The following PSD3 variants were observed in gnomAD, a reference collection of about 807,000 sequenced individuals.
The protein encoded by PSD3 is pleckstrin and Sec7 domain containing 3.
In PSD3, 49 loss-of-function variants were observed where a neutral mutation model predicts 105.5. The ratio of observed to expected loss-of-function variants is 0.46; its 90% confidence interval spans 0.37 to 0.59. The LOEUF is 0.59. Ranked by LOEUF, PSD3 falls within the 20% of genes least tolerant of loss-of-function variation. The pLI, the probability that PSD3 is intolerant of heterozygous loss-of-function variation, is 0.00. For missense variants in PSD3, 1,561 were observed against 1,263.8 expected (o/e 1.24, Z -3.57); for synonymous variants, 557 against 457.8 (o/e 1.22, Z -2.77).
chr8:19,074,603 ATATATATATTTTTTTT>A lies in PSD3; in HGVS notation c.324+9587_324+9602del, dbSNP rs1563546521. Among the ~76,000 whole-genome samples, 58 of 58,982 alleles carry A rather than the reference ATATATATATTTTTTTT, an allele frequency of 9.8e-4. 3 individuals carry two copies. The East Asian group carries it at 0.021, about 22-fold the overall frequency. The allele number at this position is 58,982 out of a possible 152,430, so 38.7% of individuals were successfully genotyped here. A position where few individuals can be genotyped will look rare whatever the true frequency, so the allele number is the denominator to read the frequency against. Reference sequence around the variant, plus strand: ...AACTCAGATATATACATATATATATATATATATATTTTTTTTTTTTTTTTTTTTTTTTTTTGAGATG... The same window carrying A: ...AACTCAGATATATACATATATATATATTTTTTTTTTTTTTTTTTTGAGATG... On this transcript the variant is annotated intron_variant, in intron 1 of 1. Transcript: ENST00000521475.
At chr8:18,849,660 C>T (rs966262587) in intron 4 of PSD3, 2 of 152,242 alleles carry the variant, frequency 1.3e-5, no homozygotes, top group East Asian at 1.9e-4. Context: ...AATTACAAAT[C>T]TACTATCAGC....
intron 1 of PSD3, among the ~76,000 whole-genome samples, chr8:18,988,968 G>A (rs76393392): frequency 0.11 from 16,678 of 152,232 alleles, 1,108 homozygotes; most frequent in Non-Finnish European, 0.16. Context: ...CCATGTGACT[G>A]TCACTGTGTT....
chr8:18,845,710 G>T (rs1241294140), intron 4 of PSD3, among the ~76,000 whole-genome samples: 1 of 152,172 alleles, frequency 6.6e-6, no homozygotes, highest in African/African-American at 2.4e-5. Context: ...GGCAAAGCAG[G>T]AGGATCATTT....
chr8:19,028,209 T>C (rs749047728), intron 1 of PSD3, among the ~76,000 whole-genome samples: 1 of 152,026 alleles, frequency 6.6e-6, no homozygotes, highest in Non-Finnish European at 1.5e-5. Context: ...TCCTTTCATG[T>C]ACTTATTTTC....
At position 18,890,116 on chromosome 8, in the gene PSD3, T is replaced by C. The variant is rs376626849; in HGVS notation, c.131-17383A>G. On this transcript the variant is annotated intron_variant, in intron 2 of 15. Coordinates refer to ENST00000327040, the MANE Select transcript of PSD3 (RefSeq NM_015310.4). ...TATTATCATAACATCCTCTGTTTTATTGTTACCTTTTTTTAAAGCACGGGA... is the reference window on the plus strand; with the variant it reads ...TATTATCATAACATCCTCTGTTTTACTGTTACCTTTTTTTAAAGCACGGGA... Among the ~76,000 whole-genome samples the C allele has an allele frequency of 4.5e-4, 68 of 152,324 alleles. No individual in the cohort carries two copies. In the South Asian group the frequency reaches 6.0e-3, roughly 13 times the overall value.
chr8:18,594,154 ATATTATTATATACATATTAT>A lies in PSD3; in HGVS notation c.2481+6190_2481+6209del, dbSNP rs1803838002. ...ATATTATATATATATTATATAATAT[ATATTATTATATACATATTAT>A]ATAATATATATTATTATATACATAT... On this transcript the variant is annotated intron_variant, in intron 12 of 15. Transcript: ENST00000327040. Among the ~76,000 whole-genome samples, 3 of 63,430 alleles carry A rather than the reference ATATTATTATATACATATTAT, an allele frequency of 4.7e-5. 1 individual carries two copies. Among genetic ancestry groups the A allele is most frequent in the African/African-American group, 1.7e-4 (3 of 18,176 alleles). 41.6% of individuals were successfully genotyped at this position (63,430 alleles called of 152,430 possible).
chr8:18,828,000 A>G (rs2129450077), intron 4 of PSD3, among the ~76,000 whole-genome samples: 1 of 146,958 alleles, frequency 6.8e-6, no homozygotes, highest in East Asian at 2.0e-4. Context: ...AACTCCATAC[A>G]AGGTAGACAA....
At chr8:18,595,958 T>C (rs1245622326) in intron 12 of PSD3, among the ~76,000 whole-genome samples, 1 of 152,038 alleles carries the variant, frequency 6.6e-6, no homozygotes, top group Non-Finnish European at 1.5e-5. Flanking sequence ...TATATATTCT[T>C]CTCAAGTGCA....
Position 18,920,831 on chromosome 8 carries a change from T to C in PSD3, c.130+15203A>G, listed in dbSNP as rs148743799. Among the ~76,000 whole-genome samples, 286 of 152,198 alleles carry C rather than the reference T, an allele frequency of 1.9e-3. 1 individual carries two copies. The highest frequency in any genetic ancestry group is 6.6e-3 in the African/African-American group (274 of 41,522). The stretch of plus-strand genomic sequence containing the variant: ...CCTAGCCCTCCATCCCCAATCACTG[T>C]GATAACTAAAAATATACCCAACCAT... On this transcript the variant is annotated intron_variant, in intron 2 of 15. Coordinates refer to ENST00000327040, the MANE Select transcript of PSD3 (RefSeq NM_015310.4).
chr8:18,694,672 ATAAAT>A (rs1373481860), intron 9 of PSD3, among the ~76,000 whole-genome samples: 1 of 151,900 alleles, frequency 6.6e-6, no homozygotes, highest in Non-Finnish European at 1.5e-5. Flanking sequence ...TTCTTAAATA[ATAAAT>A]TAAAATTATT....
intron 4 of PSD3, among the ~76,000 whole-genome samples, chr8:18,819,897 C>T (rs1254827830): frequency 6.6e-6 from 1 of 152,212 alleles, no homozygotes; most frequent in East Asian, 1.9e-4. Context: ...TCTCATGCAT[C>T]AACCAGTGTG....
At chr8:19,084,365 C>T (rs538514865) in exon 1 of PSD3, 53 of 456,276 alleles carry the variant, frequency 1.2e-4, no homozygotes, top group African/African-American at 9.4e-4. Context: ...CTCTCCTCAG[C>T]ACAGTCCTTT....
chr8:19,008,123 C>T (rs1335554468), intron 1 of PSD3, among the ~76,000 whole-genome samples: 1 of 152,116 alleles, frequency 6.6e-6, no homozygotes, highest in Non-Finnish European at 1.5e-5. Flanking sequence ...GGATTACAGG[C>T]GTGAGCCATG....
At chr8:18,740,482 C>T (rs1804479636) in intron 9 of PSD3, among the ~76,000 whole-genome samples, 1 of 152,124 alleles carries the variant, frequency 6.6e-6, no homozygotes, top group African/African-American at 2.4e-5. Context: ...TCTCTAAGGG[C>T]CCTTTTAGCA....
chr8:18,957,487 G>C (rs144995882), intron 1 of PSD3, among the ~76,000 whole-genome samples: 1 of 151,854 alleles, frequency 6.6e-6, no homozygotes, highest in African/African-American at 2.4e-5. Context: ...CAGAATCCAC[G>C]GGCCCAACAG....
intron 14 of PSD3, among the ~76,000 whole-genome samples, chr8:18,559,682 C>T (rs1416083841): frequency 1.3e-5 from 2 of 151,980 alleles, no homozygotes; most frequent in East Asian, 3.9e-4. Context: ...ATGTTTGCTT[C>T]TTCTAAAAGC....
At chr8:18,575,637 G>C (rs1802420580) in intron 12 of PSD3, among the ~76,000 whole-genome samples, 1 of 152,150 alleles carries the variant, frequency 6.6e-6, no homozygotes, top group Non-Finnish European at 1.5e-5. Flanking sequence ...TGGACCAATA[G>C]TGTGATTTGG....
chr8:18,628,572 G>T (rs558502039), intron 11 of PSD3, among the ~76,000 whole-genome samples: 13 of 151,928 alleles, frequency 8.6e-5, no homozygotes, highest in African/African-American at 2.9e-4. Flanking sequence ...GCAGTTATGT[G>T]GGGGTAAAAG....
At position 18,702,756 on chromosome 8, in the gene PSD3, G is replaced by A. The variant is rs575151944; in HGVS notation, c.2173-47071C>T. Among the ~76,000 whole-genome samples the A allele has an allele frequency of 3.3e-5, 5 of 152,082 alleles. No homozygotes were observed. The East Asian group carries it at 7.8e-4, about 24-fold the overall frequency. On this transcript the variant is annotated intron_variant, in intron 9 of 15. Transcript: ENST00000327040. ...GCCTCCCGAGTAGCTGGGACTACCGGTGCCCGCCATCACGCCTGGCTAAAT... is the reference window on the plus strand; with the variant it reads ...GCCTCCCGAGTAGCTGGGACTACCGATGCCCGCCATCACGCCTGGCTAAAT...
Sources: gnomAD v4.1 joint callset for allele counts (sites outside exome capture counted in the v4.1 genomes callset) on GRCh38, gnomAD v4.1.1 for gene constraint, MANE v1.5 for transcripts, NCBI Gene and HGNC (gene_info 2026-07-23, HGNC 2026-07-21) for gene names.